The following EEF2K variants were observed in gnomAD, a reference collection of about 807,000 sequenced individuals.
EEF2K encodes the protein alternative protein EEF2K.
Under a neutral mutation model 93.8 loss-of-function variants are expected in EEF2K, and 70 were observed. The observed-to-expected ratio is 0.75, with a 90% CI of 0.62 to 0.91. EEF2K has a LOEUF of 0.91. EEF2K is among the 40% of genes least tolerant of loss of function. The pLI, the probability that EEF2K is intolerant of heterozygous loss-of-function variation, is 0.00. For synonymous variants in EEF2K, 376 were observed against 380.8 expected (o/e 0.99, Z 0.15); for missense variants, 935 against 972.9 (o/e 0.96, Z 0.52).
chr16:22,263,074 G>A (rs1312834015), intron 11 of EEF2K, 36 bp from the exon 12 acceptor site: 2 of 1,599,442 alleles, frequency 1.3e-6, no homozygotes, highest in Non-Finnish European at 1.7e-6. Context: ...GTGCTCAGGG[G>A]ACCACCAGGA....
chr16:22,214,343 G>A (rs2046940256), intron 1 of EEF2K, among the ~76,000 whole-genome samples: 1 of 151,838 alleles, frequency 6.6e-6, no homozygotes, highest in African/African-American at 2.4e-5. Context: ...CAGGAGTTCA[G>A]AGGCAAGAGG....
chr16:22,262,001 CCACACACACACACA>C (rs71151667), intron 11 of EEF2K, among the ~76,000 whole-genome samples: 8 of 138,114 alleles, frequency 5.8e-5, no homozygotes, highest in South Asian at 4.8e-4. Flanking sequence ...TGAGACCCTG[CCACACACACACACA>C]CACACACACA....
chr16:22,283,265 C>T (rs950923093), intron 17 of EEF2K, among the ~76,000 whole-genome samples: 54 of 147,048 alleles, frequency 3.7e-4, no homozygotes, highest in African/African-American at 1.2e-3. Flanking sequence ...GCTAAGATTC[C>T]GCCACTGGAC....
chr16:22,217,680 C>A lies in EEF2K; in HGVS notation c.-76-7974C>A, dbSNP rs113793949. On this transcript the variant is annotated intron_variant, in intron 1 of 17. Transcript: ENST00000263026. ...GTTGGCCAGGCTGGTCTCGAACTCC[C>A]GACCTCAGGTGATCCACCTGCCTTG... 1.6e-4 allele frequency among the ~76,000 whole-genome samples: 25 copies of A among 152,124 alleles called. 1 individual carries two copies. Among genetic ancestry groups the A allele is most frequent in the South Asian group, 1.2e-3 (6 of 4,822 alleles).
At chr16:22,221,623 C>G (rs565718052) in intron 1 of EEF2K, among the ~76,000 whole-genome samples, 69 of 152,082 alleles carry the variant, frequency 4.5e-4, no homozygotes, top group Non-Finnish European at 8.7e-4. Flanking sequence ...AGCCTTGGCT[C>G]TAGAAGACTG....
chr16:22,226,509 T>C (rs1317789426), intron 2 of EEF2K, among the ~76,000 whole-genome samples: 1 of 130,024 alleles, frequency 7.7e-6, no homozygotes, highest in African/African-American at 3.2e-5. Flanking sequence ...TTTCTTTTCC[T>C]TCTTCTTCTT....
At chr16:22,260,304 G>A (rs1386417597) in intron 10 of EEF2K, among the ~76,000 whole-genome samples, 158 bp from the exon 11 acceptor site, 1 of 151,926 alleles carries the variant, frequency 6.6e-6, no homozygotes, top group African/African-American at 2.4e-5. Flanking sequence ...TTAGCCTCCA[G>A]GTGCTGATAA....
intron 15 of EEF2K, among the ~76,000 whole-genome samples, chr16:22,272,440 T>C (rs1294311063): frequency 6.6e-6 from 1 of 152,174 alleles, no homozygotes; most frequent in East Asian, 1.9e-4. Context: ...GGACCACATA[T>C]TGTATGACTA....
chr16:22,229,368 G>A (rs1259953481), intron 2 of EEF2K, among the ~76,000 whole-genome samples: 6 of 152,182 alleles, frequency 3.9e-5, no homozygotes, highest in Admixed American at 3.9e-4. Context: ...GAGGAAAAGT[G>A]TACTTATTTT....
intron 2 of EEF2K, among the ~76,000 whole-genome samples, chr16:22,231,448 A>T (rs1186029208): frequency 6.6e-6 from 1 of 151,926 alleles, no homozygotes; most frequent in Non-Finnish European, 1.5e-5. Context: ...GTATATACAT[A>T]TATATTGGTA....
intron 1 of EEF2K, among the ~76,000 whole-genome samples, chr16:22,207,362 G>C (rs986667808): frequency 3.3e-5 from 5 of 152,162 alleles, no homozygotes; most frequent in Admixed American, 2.0e-4. Context: ...GTCCCAGGGA[G>C]CCCGACCTCT....
chr16:22,209,694 T>A (rs756536713), intron 1 of EEF2K, among the ~76,000 whole-genome samples: 7 of 152,254 alleles, frequency 4.6e-5, no homozygotes, highest in Non-Finnish European at 1.0e-4. Context: ...GTTAGAGCGA[T>A]GACCTTGTCT....
chr16:22,250,731 TC>T, intron 5 of EEF2K, 40 bp downstream of exon 5: 1 of 1,613,068 alleles, frequency 6.2e-7, no homozygotes, highest in Non-Finnish European at 8.5e-7. Context: ...CTGCCCAGAG[TC>T]CCCCCAGGCT....
chr16:22,206,954 G>A (rs939497034), intron 1 of EEF2K, among the ~76,000 whole-genome samples: 1 of 152,198 alleles, frequency 6.6e-6, no homozygotes, highest in Non-Finnish European at 1.5e-5. Flanking sequence ...TGATCTGGCT[G>A]CAAGTGACAG....
intron 17 of EEF2K, among the ~76,000 whole-genome samples, chr16:22,283,095 G>A (rs1021430335): frequency 4.6e-5 from 7 of 152,098 alleles, no homozygotes; most frequent in Non-Finnish European, 8.8e-5. Context: ...GATCACCTGC[G>A]GTCAGGAGAT....
At chr16:22,214,865 CAAGG>C (rs2046944721) in intron 1 of EEF2K, among the ~76,000 whole-genome samples, 1 of 152,108 alleles carries the variant, frequency 6.6e-6, no homozygotes, top group African/African-American at 2.4e-5. Flanking sequence ...ACGAACAAAA[CAAGG>C]AAAGAAAGCA....
chr16:22,264,607 C>CGTTGT (rs1157267122), intron 12 of EEF2K, among the ~76,000 whole-genome samples: 2 of 152,206 alleles, frequency 1.3e-5, no homozygotes, highest in East Asian at 3.9e-4. Context: ...ACTGCACCAG[C>CGTTGT]GTTGTCATCC....
intron 1 of EEF2K, among the ~76,000 whole-genome samples, chr16:22,210,386 C>T (rs1006790746): frequency 1.3e-5 from 2 of 152,196 alleles, no homozygotes; most frequent in African/African-American, 4.8e-5. Context: ...TCAGCATCCC[C>T]AGCAGGACTT....
chr16:22,217,228 T>TAGATAGATAGAG (rs1555468299), intron 1 of EEF2K, among the ~76,000 whole-genome samples: 271 of 136,098 alleles, frequency 2.0e-3, no homozygotes, highest in East Asian at 3.0e-3. Flanking sequence ...GATAGATAGA[T>TAGATAGATAGAG]AGAGAGAGAG....
Sources: allele counts gnomAD v4.1 joint callset (sites outside exome capture counted in the v4.1 genomes callset), GRCh38; gene constraint gnomAD v4.1.1; transcripts MANE v1.5; gene names NCBI Gene and HGNC (gene_info 2026-07-23, HGNC 2026-07-21).